DLGAP1: variants seen among roughly 807,000 people sequenced by gnomAD.
The protein encoded by DLGAP1 is disks large-associated protein 1.
In DLGAP1, 11 loss-of-function variants were observed where a neutral mutation model predicts 90.8. The ratio of observed to expected loss-of-function variants is 0.12; its 90% CI spans 0.08 to 0.20. The LOEUF (loss-of-function observed/expected upper bound fraction) is 0.20, where lower values mean the gene tolerates loss of function less well. Among genes scored for constraint, DLGAP1 ranks in the 10% least tolerant of loss-of-function variants. The probability of loss-of-function intolerance (pLI) is 1.00; values close to 1 mark genes in which losing one functional copy is unlikely to be tolerated. For missense variants in DLGAP1, 1,050 were observed against 1,333.8 expected (o/e 0.79, Z 3.31); for synonymous variants, 558 against 540.7 (o/e 1.03, Z -0.44).
rs537265285 is a variant in DLGAP1 at position 4,067,854 on chromosome 18, C to T, written c.-158-62653G>A. 1.6e-3 allele frequency among the ~76,000 whole-genome samples: 243 copies of T among 152,226 alleles called. 1 individual carries two copies. The highest frequency in any genetic ancestry group is 4.9e-3 in the African/African-American group (203 of 41,534). On this transcript the variant is annotated intron_variant, in intron 2 of 12. Coordinates refer to ENST00000315677, the MANE Select transcript of DLGAP1 (RefSeq NM_004746.4). The stretch of plus-strand genomic sequence containing the variant: ...CCTGACCGAATCAATGTACACCTTA[C>T]ATGTATTGACTTATGTCTTACTACA...
intron 1 of DLGAP1, among the ~76,000 whole-genome samples, chr18:4,266,941 C>G (rs1568481021): frequency 6.6e-6 from 1 of 151,860 alleles, no homozygotes; most frequent in Non-Finnish European, 1.5e-5. Flanking sequence ...TTGATCAAGT[C>G]TGATATCCAT....
At chr18:3,700,325 C>T (rs571109677) in intron 7 of DLGAP1, among the ~76,000 whole-genome samples, 14 of 152,296 alleles carry the variant, frequency 9.2e-5, no homozygotes, top group African/African-American at 2.6e-4. Flanking sequence ...TGAGCCGGAA[C>T]GCACTGTTCC....
chr18:3,978,841 AT>A (rs559134350), intron 3 of DLGAP1, among the ~76,000 whole-genome samples: 3 of 152,172 alleles, frequency 2.0e-5, no homozygotes, highest in Non-Finnish European at 4.4e-5. Context: ...TATAGGACAG[AT>A]CTTGATGGAC....
chr18:3,936,739 CCTCCA>C, intron 3 of DLGAP1, among the ~76,000 whole-genome samples: 1 of 152,134 alleles, frequency 6.6e-6, no homozygotes, highest in Non-Finnish European at 1.5e-5. Context: ...TAGAAAGGTT[CCTCCA>C]GTACCTCAAT....
At chr18:4,439,897 T>A (rs1320592736) in intron 1 of DLGAP1, among the ~76,000 whole-genome samples, 1 of 151,710 alleles carries the variant, frequency 6.6e-6, no homozygotes, top group Non-Finnish European at 1.5e-5. Context: ...GGCGGGCAGA[T>A]CACAAGGTCA....
At chr18:3,569,406 TCTC>T (rs1423579989) in intron 8 of DLGAP1, among the ~76,000 whole-genome samples, 4 of 151,942 alleles carry the variant, frequency 2.6e-5, no homozygotes, top group Non-Finnish European at 5.9e-5. Context: ...AATCATAGGA[TCTC>T]TTTATATTTT....
chr18:3,742,095 C>G (rs1298535036), intron 6 of DLGAP1, among the ~76,000 whole-genome samples: 1 of 152,046 alleles, frequency 6.6e-6, no homozygotes, highest in African/African-American at 2.4e-5. Context: ...TTCCAAGGAC[C>G]CTCTTCATTG....
chr18:3,853,621 G>A (rs1027687463), intron 4 of DLGAP1, among the ~76,000 whole-genome samples: 4 of 151,678 alleles, frequency 2.6e-5, no homozygotes, highest in African/African-American at 7.3e-5. Context: ...CTTACAGTGC[G>A]TTTCTCTGAA....
chr18:3,843,336 G>A (rs1380970089), intron 4 of DLGAP1, among the ~76,000 whole-genome samples: 4 of 152,186 alleles, frequency 2.6e-5, no homozygotes, highest in African/African-American at 9.7e-5. Context: ...GCTGGCCAAA[G>A]AGCCTTGCAC....
chr18:3,498,814 G>T lies in DLGAP1; in HGVS notation c.*371C>A. ...ATACTGGATTTCTGAAATACCCTAT[G>T]GTTTTATATTGCTGAACAGACTAGC... On this transcript the variant is annotated 3_prime_UTR_variant, in exon 13 of 13. Transcript: ENST00000315677. 1 of 220,456 alleles carries T rather than the reference G, an allele frequency of 4.5e-6. No homozygotes were observed. Among genetic ancestry groups the T allele is most frequent in the Non-Finnish European group, 8.8e-6 (1 of 113,632 alleles). The allele number at this position is 220,456 out of a possible 1,614,324, so 13.7% of individuals were successfully genotyped here. A position where few individuals can be genotyped will look rare whatever the true frequency, so the allele number is the denominator to read the frequency against.
At chr18:4,328,521 G>A (rs2080874865) in intron 1 of DLGAP1, among the ~76,000 whole-genome samples, 1 of 151,860 alleles carries the variant, frequency 6.6e-6, no homozygotes, top group Non-Finnish European at 1.5e-5. Flanking sequence ...TTGAAAACAA[G>A]TCTTTGCATA....
chr18:4,021,497 G>A (rs965153080), intron 2 of DLGAP1, among the ~76,000 whole-genome samples: 1 of 152,184 alleles, frequency 6.6e-6, no homozygotes, highest in Admixed American at 6.5e-5. Context: ...CCAAGCAGAT[G>A]CTGGTGCCAT....
At chr18:3,620,874 C>T (rs1229478662) in intron 7 of DLGAP1, among the ~76,000 whole-genome samples, 2 of 152,160 alleles carry the variant, frequency 1.3e-5, no homozygotes, top group African/African-American at 4.8e-5. Flanking sequence ...CACATTTAAA[C>T]AGGCAGTGAT....
chr18:4,024,076 T>A (rs2074659773), intron 2 of DLGAP1, among the ~76,000 whole-genome samples: 1 of 152,194 alleles, frequency 6.6e-6, no homozygotes, highest in Non-Finnish European at 1.5e-5. Context: ...TTTGAAAAAT[T>A]ATTAAATCTA....
At chr18:4,278,424 A>G (rs2079467933) in intron 1 of DLGAP1, among the ~76,000 whole-genome samples, 1 of 152,172 alleles carries the variant, frequency 6.6e-6, no homozygotes, top group Non-Finnish European at 1.5e-5. Context: ...ATAATTTCTC[A>G]GCCCTCAGCC....
At chr18:4,245,003 T>C (rs893255061) in intron 1 of DLGAP1, among the ~76,000 whole-genome samples, 4 of 152,166 alleles carry the variant, frequency 2.6e-5, no homozygotes, top group Admixed American at 2.0e-4. Context: ...TATAGCAAGA[T>C]TAAATCACAG....
intron 2 of DLGAP1, among the ~76,000 whole-genome samples, chr18:4,094,168 A>G (rs1172241548): frequency 3.3e-5 from 5 of 152,108 alleles, no homozygotes; most frequent in Non-Finnish European, 7.4e-5. Flanking sequence ...ATTATGTGGG[A>G]CTTCTAAAAT....
intron 1 of DLGAP1, among the ~76,000 whole-genome samples, chr18:4,427,602 A>G (rs1346366384): frequency 6.6e-6 from 1 of 152,138 alleles, no homozygotes; most frequent in East Asian, 1.9e-4. Flanking sequence ...AGTAGAACGC[A>G]CTCAAAGACA....
At chr18:3,558,156 T>C (rs1170448500) in intron 9 of DLGAP1, among the ~76,000 whole-genome samples, 1 of 152,244 alleles carries the variant, frequency 6.6e-6, no homozygotes, top group African/African-American at 2.4e-5. Context: ...AGAGAATTGT[T>C]GAAGTCTCCA....
Sources: gnomAD v4.1 joint callset for allele counts (sites outside exome capture counted in the v4.1 genomes callset) on GRCh38, gnomAD v4.1.1 for gene constraint, MANE v1.5 for transcripts, NCBI Gene and HGNC (gene_info 2026-07-23, HGNC 2026-07-21) for gene names.